SH3GL3: variants seen among roughly 807,000 people sequenced by gnomAD.
SH3GL3 encodes the protein SH3 domain containing GRB2 like 3, endophilin A3.
A neutral mutation model predicts 47.7 loss-of-function variants in SH3GL3; 33 were observed. The observed-to-expected ratio is 0.69, with a 90% CI of 0.52 to 0.92. The LOEUF is 0.92. Among genes scored for constraint, SH3GL3 ranks in the 40% least tolerant of loss-of-function variants. SH3GL3 has a pLI of 0.00. For missense variants in SH3GL3, 363 were observed against 417.8 expected, an observed-to-expected ratio of 0.87 and a Z score of 1.14; for synonymous variants, 155 against 148.8, an observed-to-expected ratio of 1.04 and a Z score of -0.30.
chr15:83,493,088 C>T (rs765812877), intron 1 of SH3GL3, among the ~76,000 whole-genome samples: 1 of 152,110 alleles, frequency 6.6e-6, no homozygotes, highest in Non-Finnish European at 1.5e-5. Context: ...TTTAAATAAT[C>T]GTTCTTTAAT....
At chr15:83,490,621 C>T in intron 1 of SH3GL3, 2 of 649,432 alleles carry the variant, frequency 3.1e-6, no homozygotes, top group Non-Finnish European at 2.5e-6. Flanking sequence ...CCTAGTTCAG[C>T]CTGGCACAGT....
chr15:83,536,385 T>TTTTGC (rs2043904092), intron 1 of SH3GL3, among the ~76,000 whole-genome samples: 1 of 135,682 alleles, frequency 7.4e-6, no homozygotes, highest in East Asian at 2.1e-4. Flanking sequence ...TGCCTTTTTC[T>TTTTGC]TTTTCTTTTC....
intron 1 of SH3GL3, among the ~76,000 whole-genome samples, chr15:83,509,124 A>G (rs555390355): frequency 1.3e-3 from 197 of 152,348 alleles, no homozygotes; most frequent in Non-Finnish European, 2.5e-3. Flanking sequence ...TGAGAAAGTG[A>G]TGGGACAGAA....
chr15:83,579,400 A>T (rs761932697), intron 6 of SH3GL3, among the ~76,000 whole-genome samples: 1 of 152,094 alleles, frequency 6.6e-6, no homozygotes, highest in Non-Finnish European at 1.5e-5. Context: ...CTTCACAAGG[A>T]GGGGTTGTCT....
intron 1 of SH3GL3, among the ~76,000 whole-genome samples, chr15:83,553,047 G>A (rs748042203): frequency 4.6e-5 from 7 of 151,956 alleles, no homozygotes; most frequent in Non-Finnish European, 7.4e-5. Context: ...CAGGAGGATC[G>A]CTTGAACCTT....
intron 3 of SH3GL3, among the ~76,000 whole-genome samples, chr15:83,567,813 A>T (rs2045623798): frequency 6.6e-6 from 1 of 152,164 alleles, no homozygotes; most frequent in Admixed American, 6.5e-5. Flanking sequence ...CAAACAAACA[A>T]AAAGCATGTC....
intron 1 of SH3GL3, among the ~76,000 whole-genome samples, chr15:83,501,786 G>A (rs2042305331): frequency 6.6e-6 from 1 of 152,070 alleles, no homozygotes; most frequent in Non-Finnish European, 1.5e-5. Flanking sequence ...CAGCTACTTG[G>A]AGGCTGTGGC....
intron 8 of SH3GL3, among the ~76,000 whole-genome samples, chr15:83,612,899 A>C (rs2060707385): frequency 6.6e-6 from 1 of 152,216 alleles, no homozygotes; most frequent in Admixed American, 6.5e-5. Context: ...ACCTGGCTCT[A>C]GCATGAAAGC....
intron 8 of SH3GL3, chr15:83,609,235 G>T: frequency 2.2e-6 from 1 of 456,014 alleles, no homozygotes; most frequent in Non-Finnish European, 4.4e-6. Flanking sequence ...ATGCAGCGCT[G>T]TTAATGTTAC....
chr15:83,595,063 G>A (rs995435835), intron 8 of SH3GL3, among the ~76,000 whole-genome samples: 13 of 152,106 alleles, frequency 8.5e-5, no homozygotes, highest in Admixed American at 4.6e-4. Flanking sequence ...TATGTTCATC[G>A]CAGCACTATT....
intron 1 of SH3GL3, chr15:83,490,605 C>G: frequency 1.8e-6 from 1 of 553,546 alleles, no homozygotes; most frequent in Non-Finnish European, 3.0e-6. Flanking sequence ...GTTGGCCCCC[C>G]TACAACCTAG....
intron 8 of SH3GL3, among the ~76,000 whole-genome samples, chr15:83,613,467 G>A (rs1786820622): frequency 6.6e-6 from 1 of 152,204 alleles, no homozygotes; most frequent in Non-Finnish European, 1.5e-5. Context: ...TTTGTTCTGT[G>A]TGTGTGTGCA....
chr15:83,631,321 G>A, the SH3GL3 span, among the ~76,000 whole-genome samples: 1 of 152,150 alleles, frequency 6.6e-6, no homozygotes, highest in East Asian at 1.9e-4. Flanking sequence ...AGTGGATTCT[G>A]GAGTCTGAAG....
chr15:83,599,872 ATTATTGCCATTC>A (rs1253211222), intron 8 of SH3GL3, among the ~76,000 whole-genome samples: 1 of 151,926 alleles, frequency 6.6e-6, no homozygotes, highest in East Asian at 1.9e-4. Context: ...TAATATTTTG[ATTATTGCCATTC>A]TTGCAGGGGT....
At chr15:83,470,211 A>G (rs1474380326) in intron 1 of SH3GL3, among the ~76,000 whole-genome samples, 2 of 151,910 alleles carry the variant, frequency 1.3e-5, no homozygotes, top group African/African-American at 4.8e-5. Flanking sequence ...CTATATTGCT[A>G]TATTTGAAGT....
chr15:83,581,750 C>T (rs2059833593), intron 6 of SH3GL3, among the ~76,000 whole-genome samples: 1 of 152,202 alleles, frequency 6.6e-6, no homozygotes, highest in Non-Finnish European at 1.5e-5. Context: ...TCTATTTTCT[C>T]ATCTATTTTT....
chr15:83,547,243 C>T (rs2044445238), intron 1 of SH3GL3, among the ~76,000 whole-genome samples: 1 of 152,152 alleles, frequency 6.6e-6, no homozygotes, highest in East Asian at 1.9e-4. Context: ...CTGGGATGGA[C>T]GATTGCCCTT....
At chr15:83,630,691 G>A in the SH3GL3 span, among the ~76,000 whole-genome samples, 1 of 152,114 alleles carries the variant, frequency 6.6e-6, no homozygotes, top group African/African-American at 2.4e-5. Flanking sequence ...AGAACAGCAT[G>A]AGGGTAACTG....
At chr15:83,616,828 GGAAAA>G (rs1335943147) in intron 8 of SH3GL3, among the ~76,000 whole-genome samples, 3 of 150,588 alleles carry the variant, frequency 2.0e-5, no homozygotes, top group Non-Finnish European at 4.4e-5. Context: ...AAGGAAGGAA[GGAAAA>G]GAAGAGATGA....
Sources: gnomAD v4.1 joint callset for allele counts (sites outside exome capture counted in the v4.1 genomes callset) on GRCh38, gnomAD v4.1.1 for gene constraint, MANE v1.5 for transcripts, NCBI Gene and HGNC (gene_info 2026-07-23, HGNC 2026-07-21) for gene names.